GOSR2: variants seen among roughly 807,000 people sequenced by gnomAD.
The protein encoded by GOSR2 is 27 kDa Golgi SNARE protein.
Under a neutral mutation model 27.9 loss-of-function variants are expected in GOSR2, and 20 were observed. The ratio of observed to expected loss-of-function variants is 0.72; its 90% CI spans 0.50 to 1.04. GOSR2 has a LOEUF of 1.04. GOSR2 is among the 50% of genes least tolerant of loss of function. The probability of loss-of-function intolerance (pLI) is 0.00; values close to 1 mark genes in which losing one functional copy is unlikely to be tolerated. For missense variants in GOSR2, 261 were observed against 270.5 expected (o/e 0.97, Z 0.25); for synonymous variants, 91 against 98.8 (o/e 0.92, Z 0.47).
downstream of GOSR2, among the ~76,000 whole-genome samples, chr17:46,946,206 TG>T (rs1241908688): frequency 7.0e-6 from 1 of 143,092 alleles, no homozygotes; most frequent in African/African-American, 2.7e-5. Context: ...GAGGCCGAGG[TG>T]GGCAGATCTC....
intron 1 of GOSR2, 75 bp downstream of exon 1, chr17:46,923,296 C>T: frequency 1.9e-6 from 3 of 1,548,466 alleles, no homozygotes; most frequent in African/African-American, 1.4e-5. Context: ...GGGCTGAGGC[C>T]TCGGACGTCA....
intron 1 of GOSR2, chr17:46,923,502 C>A (rs1031551677): frequency 7.2e-6 from 10 of 1,379,686 alleles, no homozygotes; most frequent in Admixed American, 6.5e-5. Context: ...GAAACTGGCA[C>A]CTGCAGGTTA....
intron 1 of GOSR2, among the ~76,000 whole-genome samples, chr17:46,927,331 T>A (rs1170273623): frequency 6.6e-6 from 1 of 152,242 alleles, no homozygotes; most frequent in Admixed American, 6.5e-5. Context: ...CATTCATTTG[T>A]TTATTTTGTG....
chr17:46,947,149 A>G (rs1370904831), intron 6 of GOSR2, among the ~76,000 whole-genome samples: 1 of 152,092 alleles, frequency 6.6e-6, no homozygotes, highest in Non-Finnish European at 1.5e-5. Flanking sequence ...ATGAATGTGG[A>G]TGCAGGAACC....
intron 6 of GOSR2, among the ~76,000 whole-genome samples, chr17:46,959,035 C>G (rs2090903929): frequency 6.6e-6 from 1 of 152,206 alleles, no homozygotes; most frequent in South Asian, 2.1e-4. Context: ...AGAAAGATAG[C>G]TGCATGCAAG....
At chr17:46,968,989 G>A (rs11652954), downstream of GOSR2, 781 of 152,970 alleles carry the variant, frequency 5.1e-3, 3 homozygotes, top group Non-Finnish European at 7.7e-3. Context: ...CATCCCTGCC[G>A]ACACCTGCCC....
chr17:46,957,002 T>G (rs1167924657), intron 6 of GOSR2, among the ~76,000 whole-genome samples: 7 of 152,178 alleles, frequency 4.6e-5, no homozygotes, highest in Non-Finnish European at 1.0e-4. Flanking sequence ...GGCTGCCCGC[T>G]GACAGGTGAA....
In GOSR2 at chr17:46,940,503, A is replaced by G; in HGVS notation, c.*1743A>G. 1.2e-6 allele frequency: 2 copies of G among 1,613,678 alleles called. No homozygotes were observed. Among genetic ancestry groups the G allele is most frequent in the Non-Finnish European group, 1.7e-6 (2 of 1,179,850 alleles). On this transcript the variant is annotated 3_prime_UTR_variant, in exon 6 of 6. Transcript: ENST00000640051. ...GGGACCTAGCGCAGGACTTTTGGTA[A>G]TCCATAAAATGGATTCTGAGACTGC...
chr17:46,938,566 G>A (rs372602143), intron 5 of GOSR2, 33 bp from the exon 6 acceptor site: 2 of 1,613,046 alleles, frequency 1.2e-6, no homozygotes, highest in Non-Finnish European at 1.7e-6. Flanking sequence ...GCGACTTGAT[G>A]TTTGTTTTTT....
At chr17:46,959,815 G>A (rs2147289239) in intron 6 of GOSR2, among the ~76,000 whole-genome samples, 1 of 152,270 alleles carries the variant, frequency 6.6e-6, no homozygotes, top group East Asian at 1.9e-4. Context: ...AATCCTTGGA[G>A]GTCCTCAGAA....
At chr17:46,927,029 G>A (rs781480961) in intron 1 of GOSR2, among the ~76,000 whole-genome samples, 1 of 152,194 alleles carries the variant, frequency 6.6e-6, no homozygotes, top group East Asian at 1.9e-4. Flanking sequence ...CTGGGTATGA[G>A]AGTTCTAGTT....
downstream of GOSR2, among the ~76,000 whole-genome samples, chr17:46,946,093 C>A (rs942495347): frequency 8.6e-5 from 13 of 151,964 alleles, no homozygotes; most frequent in African/African-American, 3.1e-4. Context: ...CTTAGGCCAC[C>A]TGGGAATCAA....
intron 2 of GOSR2, 99 bp from the exon 3 acceptor site, chr17:46,931,000 T>C: frequency 5.4e-6 from 4 of 739,780 alleles, no homozygotes; most frequent in South Asian, 3.0e-5. Context: ...TATGTAGTTC[T>C]AGTTTATTGG....
chr17:46,943,036 TATTA>T (rs1230433467), downstream of GOSR2, among the ~76,000 whole-genome samples: 4 of 152,146 alleles, frequency 2.6e-5, no homozygotes, highest in Admixed American at 6.5e-5. Context: ...TTCACCCTCT[TATTA>T]ATTGGCCTGG....
chr17:46,923,939 T>A, intron 1 of GOSR2: 1 of 398,578 alleles, frequency 2.5e-6, no homozygotes, highest in Non-Finnish European at 4.4e-6. Context: ...TACCCTGTTT[T>A]GGAGGGACGG....
intron 6 of GOSR2, among the ~76,000 whole-genome samples, chr17:46,958,635 G>T (rs1308323423): frequency 6.6e-6 from 1 of 152,180 alleles, no homozygotes; most frequent in African/African-American, 2.4e-5. Context: ...TCAGGGGAGG[G>T]GGCCATCAGG....
chr17:46,939,074 C>T lies in GOSR2; in HGVS notation c.*314C>T. The T allele has an allele frequency of 8.6e-7, 1 of 1,158,314 alleles. No homozygotes were observed. Among genetic ancestry groups the T allele is most frequent in the Non-Finnish European group, 1.1e-6 (1 of 907,444 alleles). 71.8% of individuals were successfully genotyped at this position (1,158,314 alleles called of 1,614,324 possible). On this transcript the variant is annotated 3_prime_UTR_variant, in exon 6 of 6. Transcript: ENST00000640051. Reference sequence around the variant, plus strand: ...GCTTTGTTCACATAGCTGATGCGTGCCCTGGGAAGGTGTCCACAGTGAGCC... The same window carrying T: ...GCTTTGTTCACATAGCTGATGCGTGTCCTGGGAAGGTGTCCACAGTGAGCC...
chr17:46,936,556 C>G (rs1184717947), intron 5 of GOSR2: 2 of 985,564 alleles, frequency 2.0e-6, no homozygotes, highest in East Asian at 1.1e-4. Flanking sequence ...TCCACCTACA[C>G]CATTCAAAAG....
downstream of GOSR2, among the ~76,000 whole-genome samples, chr17:46,969,298 T>G: frequency 6.6e-6 from 1 of 152,240 alleles, no homozygotes; most frequent in East Asian, 1.9e-4. Context: ...TCCCTGGTCC[T>G]TGTGCCCCCT....
Sources: allele counts gnomAD v4.1 joint callset (sites outside exome capture counted in the v4.1 genomes callset), GRCh38; gene constraint gnomAD v4.1.1; transcripts MANE v1.5; gene names NCBI Gene and HGNC (gene_info 2026-07-23, HGNC 2026-07-21).